SNTG1: variants seen among roughly 807,000 people sequenced by gnomAD.
SNTG1 encodes the protein syntrophin gamma 1, also known as gamma-1-syntrophin.
Under a neutral mutation model 74.7 loss-of-function variants are expected in SNTG1, and 39 were observed. The observed-to-expected ratio is 0.52, with a 90% CI of 0.40 to 0.68. The LOEUF is 0.68. SNTG1 is among the 30% of genes least tolerant of loss of function. SNTG1 has a pLI of 0.00. For synonymous variants in SNTG1, 254 were observed against 217.1 expected (o/e 1.17, Z -1.49); for missense variants, 685 against 609.5 (o/e 1.12, Z -1.30).
intron 17 of SNTG1, among the ~76,000 whole-genome samples, chr8:50,726,445 G>T (rs2095500336): frequency 6.6e-6 from 1 of 152,180 alleles, no homozygotes. Context: ...CTCAGGCAGA[G>T]TGGGCAACAG....
At chr8:49,958,244 A>G (rs1810358322) in intron 1 of SNTG1, among the ~76,000 whole-genome samples, 1 of 152,166 alleles carries the variant, frequency 6.6e-6, no homozygotes, top group South Asian at 2.1e-4. Flanking sequence ...GTAGGGCTGA[A>G]CACAAGGCAC....
chr8:50,209,941 G>A (rs1474496667), intron 2 of SNTG1, among the ~76,000 whole-genome samples: 1 of 152,180 alleles, frequency 6.6e-6, no homozygotes, highest in Non-Finnish European at 1.5e-5. Flanking sequence ...AACTAAAGGA[G>A]GATGTACGAA....
In SNTG1 at chr8:50,433,108, A is replaced by T. The variant is rs1035683338; in HGVS notation, c.163-5435A>T. ...CCAGGCCACAAAATATTTCCCTTTT[A>T]GTATGTGTTATTTTAAATGGCATTA... On this transcript the variant is annotated intron_variant, in intron 4 of 18. Transcript: ENST00000642720. 7.2e-5 allele frequency among the ~76,000 whole-genome samples: 11 copies of T among 152,148 alleles called. 1 individual carries two copies. Among genetic ancestry groups the T allele is most frequent in the Admixed American group, 4.6e-4 (7 of 15,266 alleles).
intron 1 of SNTG1, among the ~76,000 whole-genome samples, chr8:50,161,370 A>G (rs555062218): frequency 2.0e-5 from 3 of 152,336 alleles, no homozygotes; most frequent in Non-Finnish European, 2.9e-5. Context: ...AGATTTTAGT[A>G]GAACTTGACC....
intron 1 of SNTG1, among the ~76,000 whole-genome samples, chr8:50,086,899 G>C (rs1167553707): frequency 6.6e-6 from 1 of 152,190 alleles, no homozygotes; most frequent in Non-Finnish European, 1.5e-5. Flanking sequence ...CTGCAGCAGT[G>C]AAATAAAGGT....
At chr8:50,531,766 C>T (rs141981623) in intron 10 of SNTG1, among the ~76,000 whole-genome samples, 35 of 152,258 alleles carry the variant, frequency 2.3e-4, no homozygotes, top group Admixed American at 6.5e-4. Flanking sequence ...TCCATCTCAC[C>T]TCTGCTCCTA....
chr8:50,242,129 A>C (rs554512142), intron 2 of SNTG1, among the ~76,000 whole-genome samples: 5 of 152,140 alleles, frequency 3.3e-5, no homozygotes, highest in South Asian at 2.1e-4. Context: ...GTATACATAT[A>C]TACATACATA....
chr8:49,917,661 T>C (rs1258720701), intron 1 of SNTG1, among the ~76,000 whole-genome samples: 1 of 152,230 alleles, frequency 6.6e-6, no homozygotes, highest in African/African-American at 2.4e-5. Flanking sequence ...CCATGCTTTA[T>C]ATTCTCTTCC....
intron 13 of SNTG1, among the ~76,000 whole-genome samples, chr8:50,617,232 A>G (rs1267372120): frequency 6.6e-6 from 1 of 152,148 alleles, no homozygotes; most frequent in Non-Finnish European, 1.5e-5. Flanking sequence ...AAGGGAAGGA[A>G]CCTGCTAATT....
At chr8:50,105,212 C>T (rs544448154) in intron 1 of SNTG1, among the ~76,000 whole-genome samples, 17 of 152,088 alleles carry the variant, frequency 1.1e-4, no homozygotes, top group African/African-American at 2.4e-4. Flanking sequence ...ATGTATATGG[C>T]GTAAGGAAGG....
intron 15 of SNTG1, among the ~76,000 whole-genome samples, chr8:50,666,727 A>G (rs904913747): frequency 6.6e-6 from 1 of 152,100 alleles, no homozygotes; most frequent in Admixed American, 6.6e-5. Context: ...ATTCTAAGAC[A>G]GTGCTAAAAC....
intron 1 of SNTG1, among the ~76,000 whole-genome samples, chr8:50,145,708 C>A (rs1365386425): frequency 6.6e-6 from 1 of 152,144 alleles, no homozygotes; most frequent in African/African-American, 2.4e-5. Flanking sequence ...GAAAGCAGAA[C>A]TGATTGTTCC....
At chr8:50,255,336 T>C (rs1348988189) in intron 2 of SNTG1, among the ~76,000 whole-genome samples, 1 of 152,198 alleles carries the variant, frequency 6.6e-6, no homozygotes, top group African/African-American at 2.4e-5. Context: ...TTATGTCAAG[T>C]TTCTAATGTT....
intron 8 of SNTG1, among the ~76,000 whole-genome samples, chr8:50,482,459 T>C (rs1364554439): frequency 1.3e-5 from 2 of 152,184 alleles, no homozygotes; most frequent in African/African-American, 4.8e-5. Flanking sequence ...TGTAACACTG[T>C]CTCATTTGAA....
intron 9 of SNTG1, among the ~76,000 whole-genome samples, chr8:50,529,388 T>C (rs779849054): frequency 1.3e-5 from 2 of 152,020 alleles, no homozygotes; most frequent in African/African-American, 4.8e-5. Flanking sequence ...TGGACTATTA[T>C]GTAAGTAGTG....
At chr8:50,371,099 T>G (rs1162160372) in intron 2 of SNTG1, among the ~76,000 whole-genome samples, 1 of 152,218 alleles carries the variant, frequency 6.6e-6, no homozygotes, top group Non-Finnish European at 1.5e-5. Context: ...TGGGTCTTTA[T>G]GATTTTGGAG....
intron 8 of SNTG1, among the ~76,000 whole-genome samples, chr8:50,465,576 C>T: frequency 6.6e-6 from 1 of 152,154 alleles, no homozygotes; most frequent in East Asian, 1.9e-4. Flanking sequence ...TTTCACTGCC[C>T]TAAAAAATCC....
intron 11 of SNTG1, among the ~76,000 whole-genome samples, chr8:50,539,501 A>G (rs1458739967): frequency 6.6e-6 from 1 of 152,176 alleles, no homozygotes; most frequent in African/African-American, 2.4e-5. Context: ...GACATAAGGA[A>G]GGAGGTGGAC....
intron 2 of SNTG1, among the ~76,000 whole-genome samples, chr8:50,327,664 TG>T (rs2090804122): frequency 1.3e-5 from 2 of 152,184 alleles, no homozygotes; most frequent in Admixed American, 1.3e-4. Context: ...TACTGGTTAT[TG>T]ATACCATTAG....
Sources: gnomAD v4.1 joint callset for allele counts (sites outside exome capture counted in the v4.1 genomes callset) on GRCh38, gnomAD v4.1.1 for gene constraint, MANE v1.5 for transcripts, NCBI Gene and HGNC (gene_info 2026-07-23, HGNC 2026-07-21) for gene names.